ANTXR2: variants seen among roughly 807,000 people sequenced by gnomAD.
The protein encoded by ANTXR2 is anthrax toxin receptor 2.
Under a neutral mutation model 73.7 loss-of-function variants are expected in ANTXR2, and 44 were observed. That is an observed-to-expected ratio of 0.60 (90% CI 0.47 to 0.77). ANTXR2 has a LOEUF of 0.77. Ranked by LOEUF, ANTXR2 falls within the 30% of genes least tolerant of loss-of-function variation. The probability of loss-of-function intolerance (pLI) is 0.00; values close to 1 mark genes in which losing one functional copy is unlikely to be tolerated. For missense variants in ANTXR2, 604 were observed against 592.5 expected, an observed-to-expected ratio of 1.02 and a Z score of -0.20; for synonymous variants, 217 against 205.9, an observed-to-expected ratio of 1.05 and a Z score of -0.46.
At chr4:80,067,072 G>C (rs1275571991) in intron 3 of ANTXR2, among the ~76,000 whole-genome samples, 7 of 152,144 alleles carry the variant, frequency 4.6e-5, no homozygotes, top group South Asian at 4.1e-4. Context: ...CGGGCGTGGT[G>C]GTGGGTGCCT....
chr4:80,062,236 C>A (rs1038794560), intron 3 of ANTXR2, among the ~76,000 whole-genome samples: 3 of 152,168 alleles, frequency 2.0e-5, no homozygotes, highest in Admixed American at 6.5e-5. Context: ...CCTGTACAAT[C>A]TGAATTTTGT....
rs1578089843 is a variant in ANTXR2, at chr4:79,927,212, A to G, written c.1429-19745T>C. Reference sequence around the variant, plus strand: ...ACTATTTATTTCACTTAAATGCAAAATCTAAACAACAAAAAAGAGTTACAA... The same window carrying G: ...ACTATTTATTTCACTTAAATGCAAAGTCTAAACAACAAAAAAGAGTTACAA... On this transcript the variant is annotated intron_variant, in intron 16 of 16. Coordinates refer to ENST00000403729, the MANE Select transcript of ANTXR2 (RefSeq NM_058172.6). Among the ~76,000 whole-genome samples the G allele has an allele frequency of 6.6e-5, 10 of 152,056 alleles. 1 individual carries two copies. In the South Asian group the frequency reaches 2.1e-3, roughly 32 times the overall value.
At chr4:79,983,448 T>G (rs573884573) in intron 14 of ANTXR2, among the ~76,000 whole-genome samples, 1 of 152,254 alleles carries the variant, frequency 6.6e-6, no homozygotes, top group South Asian at 2.1e-4. Context: ...ATGTGCTTCC[T>G]CTATATTTGT....
chr4:80,067,784 G>A (rs1224872112), intron 3 of ANTXR2, among the ~76,000 whole-genome samples: 2 of 152,118 alleles, frequency 1.3e-5, no homozygotes. Flanking sequence ...TCTTGTAAGT[G>A]GAAGCTGAAC....
intron 7 of ANTXR2, among the ~76,000 whole-genome samples, chr4:80,053,375 G>C (rs745469638): frequency 2.0e-4 from 30 of 151,674 alleles, no homozygotes; most frequent in African/African-American, 5.8e-4. Context: ...TCTCTGAAAA[G>C]CTCCATTAAT....
intron 14 of ANTXR2, among the ~76,000 whole-genome samples, chr4:79,978,725 T>TTTA (rs1425146517): frequency 6.6e-6 from 1 of 152,194 alleles, no homozygotes; most frequent in African/African-American, 2.4e-5. Context: ...AGCTAGTAAG[T>TTTA]GACAGGGCAG....
chr4:80,046,376 G>A (rs760450986), intron 7 of ANTXR2, among the ~76,000 whole-genome samples: 9 of 151,622 alleles, frequency 5.9e-5, no homozygotes, highest in East Asian at 1.9e-4. Context: ...TGCTGTTGTC[G>A]TTGTTGTCTT....
chr4:80,027,546 A>G (rs2110078040), intron 10 of ANTXR2, among the ~76,000 whole-genome samples: 1 of 152,248 alleles, frequency 6.6e-6, no homozygotes, highest in East Asian at 1.9e-4. Context: ...TAAGAGAACT[A>G]ATACTATCAG....
chr4:80,016,618 G>C (rs1446760862), intron 11 of ANTXR2, among the ~76,000 whole-genome samples: 1 of 152,130 alleles, frequency 6.6e-6, no homozygotes, highest in Non-Finnish European at 1.5e-5. Flanking sequence ...GCATATTCAG[G>C]GGCCTGACAT....
chr4:80,001,051 G>C (rs1165010172), intron 12 of ANTXR2, among the ~76,000 whole-genome samples: 1 of 152,030 alleles, frequency 6.6e-6, no homozygotes, highest in Non-Finnish European at 1.5e-5. Context: ...AAGATTGTAA[G>C]TAAATTCTAC....
intron 16 of ANTXR2, among the ~76,000 whole-genome samples, chr4:79,931,289 T>C (rs1486466727): frequency 1.3e-5 from 2 of 152,210 alleles, no homozygotes; most frequent in African/African-American, 2.4e-5. Context: ...ATAGGTATTA[T>C]ATTTTATTTT....
chr4:79,957,640 A>G (rs1038922689), intron 16 of ANTXR2, among the ~76,000 whole-genome samples: 2 of 152,122 alleles, frequency 1.3e-5, no homozygotes, highest in African/African-American at 2.4e-5. Flanking sequence ...AAATAAATGG[A>G]GAACATGAGA....
rs1234102322 is a variant in ANTXR2 at position 80,065,869 on chromosome 4, G to C, written c.296+3567C>G. 2.0e-5 allele frequency among the ~76,000 whole-genome samples: 3 copies of C among 152,244 alleles called. No homozygotes were observed. The East Asian group carries it at 5.8e-4, about 29-fold the overall frequency. On this transcript the variant is annotated intron_variant, in intron 3 of 16. Transcript: ENST00000403729. ...CAGTGCTTAACCTTTGGTTTTCTTT[G>C]CTTAACCTTTGCTTTCCTCACACAC...
At chr4:80,007,019 A>C (rs1731333867) in intron 12 of ANTXR2, among the ~76,000 whole-genome samples, 1 of 151,986 alleles carries the variant, frequency 6.6e-6, no homozygotes, top group African/African-American at 2.4e-5. Flanking sequence ...AACTGAGCAT[A>C]AATTGCTATG....
chr4:79,921,507 G>C (rs760634834), intron 16 of ANTXR2, among the ~76,000 whole-genome samples: 3 of 151,898 alleles, frequency 2.0e-5, no homozygotes, highest in Non-Finnish European at 4.4e-5. Context: ...TTGCCAAACA[G>C]CTAAATTCCT....
chr4:79,955,192 A>C (rs1728843551), intron 16 of ANTXR2, among the ~76,000 whole-genome samples: 1 of 152,180 alleles, frequency 6.6e-6, no homozygotes, highest in Non-Finnish European at 1.5e-5. Flanking sequence ...AATTTTATAG[A>C]GAGGAAACTG....
intron 10 of ANTXR2, among the ~76,000 whole-genome samples, chr4:80,027,148 T>C (rs934796815): frequency 1.3e-5 from 2 of 152,028 alleles, no homozygotes; most frequent in African/African-American, 4.8e-5. Flanking sequence ...ATCTCATTCC[T>C]CACAAGAAGC....
chr4:79,915,843 T>C (rs991029419), intron 16 of ANTXR2, among the ~76,000 whole-genome samples: 9 of 119,818 alleles, frequency 7.5e-5, no homozygotes, highest in South Asian at 5.4e-4. Flanking sequence ...TCTCTCTCTC[T>C]CTCTCTCTCT....
At chr4:80,036,379 CA>C (rs1269408282) in intron 7 of ANTXR2, among the ~76,000 whole-genome samples, 3 of 152,080 alleles carry the variant, frequency 2.0e-5, no homozygotes, top group African/African-American at 7.2e-5. Flanking sequence ...CCCAATCAAG[CA>C]AAAACAAGAT....
Sources: allele counts gnomAD v4.1 joint callset (sites outside exome capture counted in the v4.1 genomes callset), GRCh38; gene constraint gnomAD v4.1.1; transcripts MANE v1.5; gene names NCBI Gene and HGNC (gene_info 2026-07-23, HGNC 2026-07-21).